Variants in CNPY1 observed in about 807,000 individuals in gnomAD.
CNPY1 encodes canopy FGF signaling regulator 1.
CNPY1 carries 14 observed loss-of-function variants against 14.4 expected under a neutral mutation model. That is an observed-to-expected ratio of 0.97 (90% CI 0.64 to 1.52). CNPY1 has a LOEUF of 1.52. Among genes scored for constraint, CNPY1 ranks in the 40% most tolerant of loss-of-function variants. CNPY1 has a pLI of 0.00. For synonymous variants in CNPY1, 43 were observed against 46.5 expected, an observed-to-expected ratio of 0.92 and a Z score of 0.31; for missense variants, 129 against 131.5, an observed-to-expected ratio of 0.98 and a Z score of 0.09.
At position 155,507,053 on chromosome 7, in the gene CNPY1, A is replaced by C. The variant is rs1259089851; in HGVS notation, c.367T>G (p.Tyr123Asp). Residue 123 changes from tyrosine (Y) to aspartate (D), a missense_variant, in exon 4 of 5, where the codon TAT (tyrosine) becomes GAT (aspartate). By Grantham distance (160) the Tyr-to-Asp change is radical (BLOSUM62 -3). Coordinates refer to ENST00000636446, the MANE Select transcript of CNPY1 (RefSeq NM_001393663.1). ...ISSLIAQETH[Y>D]LADKLCSEKS... ...TCACTGCACAGCTTGTCAGCTAGAT[A>C]GTGTGTCTCCTGGGCGATAAGTGAG... 3 of 1,612,452 alleles carry C rather than the reference A, an allele frequency of 1.9e-6. No homozygotes were observed. Among genetic ancestry groups the C allele is most frequent in the Middle Eastern group, 1.6e-4 (1 of 6,078 alleles).
intron 2 of CNPY1, among the ~76,000 whole-genome samples, chr7:155,542,727 T>A (rs1157829303): frequency 6.6e-6 from 1 of 152,128 alleles, no homozygotes; most frequent in Non-Finnish European, 1.5e-5. Flanking sequence ...CAGCCCCACA[T>A]CCACACCAGG....
At position 155,508,880 on chromosome 7, in the gene CNPY1, G is replaced by A; in HGVS notation, c.303+14C>T. On this transcript the variant is annotated intron_variant, in intron 3 of 4. Transcript: ENST00000636446. ...TCTGGATCATACGATTCATCTGCAA[G>A]GAAGAGAGCTTACCGCAAATTTCAA... 6.2e-7 allele frequency: 1 copy of A among 1,612,016 alleles called. No homozygotes were observed. The highest frequency in any genetic ancestry group is 1.1e-5 in the South Asian group (1 of 90,418).
At chr7:155,534,606 C>T (rs548417914) in intron 2 of CNPY1, among the ~76,000 whole-genome samples, 84 of 152,338 alleles carry the variant, frequency 5.5e-4, no homozygotes, top group Non-Finnish European at 8.2e-4. Context: ...CTCACAGCGT[C>T]GCGGGATGGC....
chr7:155,536,045 G>T lies in CNPY1; in HGVS notation c.99+9786C>A, dbSNP rs1309152416. Reference sequence around the variant, plus strand: ...TGGCAAGTATTTTATTTGGTGCAAGGTTTGGCTGTAGGTAGTAAACCCTCC... The same window carrying T: ...TGGCAAGTATTTTATTTGGTGCAAGTTTTGGCTGTAGGTAGTAAACCCTCC... On this transcript the variant is annotated intron_variant, in intron 2 of 4. Transcript: ENST00000636446. This position sits in a 1 kb window ranked among gnomAD's most constrained non-coding sequence, Gnocchi z 4.1. 6.6e-6 allele frequency among the ~76,000 whole-genome samples: 1 copy of T among 152,202 alleles called. No individual in the cohort carries two copies. Among genetic ancestry groups the T allele is most frequent in the African/African-American group, 2.4e-5 (1 of 41,448 alleles).
At chr7:155,503,297 C>T (rs567625776) in intron 4 of CNPY1, among the ~76,000 whole-genome samples, 192 bp from the exon 5 acceptor site, 1 of 152,098 alleles carries the variant, frequency 6.6e-6, no homozygotes, top group Non-Finnish European at 1.5e-5. Context: ...TTCCCCTGCA[C>T]CCCAAACCCA....
At chr7:155,527,138 AC>A (rs1394162760) in intron 2 of CNPY1, among the ~76,000 whole-genome samples, 2 of 142,888 alleles carry the variant, frequency 1.4e-5, no homozygotes, top group African/African-American at 5.3e-5. Context: ...TGCAACCTCT[AC>A]CTCACGGGTT....
intron 2 of CNPY1, among the ~76,000 whole-genome samples, chr7:155,512,847 ATAAT>A (rs1231568841): frequency 6.6e-6 from 1 of 152,242 alleles, no homozygotes; most frequent in East Asian, 1.9e-4. Context: ...TTAGTGACTG[ATAAT>A]TAATTTCACA....
chr7:155,526,552 T>C (rs1026479634), intron 2 of CNPY1, among the ~76,000 whole-genome samples: 1 of 151,960 alleles, frequency 6.6e-6, no homozygotes, highest in African/African-American at 2.4e-5. Context: ...AACCACCCAG[T>C]AGAATACTGG....
At chr7:155,535,618 C>A (rs1486976834) in intron 2 of CNPY1, among the ~76,000 whole-genome samples, 4 of 152,302 alleles carry the variant, frequency 2.6e-5, no homozygotes, top group African/African-American at 7.2e-5. Context: ...AACCCCTTCT[C>A]CCTTCCTTGC....
intron 2 of CNPY1, among the ~76,000 whole-genome samples, chr7:155,540,472 G>A (rs1797071223): frequency 6.6e-6 from 1 of 152,216 alleles, no homozygotes; most frequent in Non-Finnish European, 1.5e-5. Flanking sequence ...TAATTACAGT[G>A]GCCCAGTTTA....
intron 2 of CNPY1, among the ~76,000 whole-genome samples, chr7:155,541,193 C>CGGCG (rs1446377870): frequency 6.6e-6 from 1 of 152,214 alleles, no homozygotes; most frequent in African/African-American, 2.4e-5. Context: ...CCCCGCTGAG[C>CGGCG]CTCCCCGTTC....
At chr7:155,505,564 G>T (rs930493455) in intron 4 of CNPY1, among the ~76,000 whole-genome samples, 7 of 152,182 alleles carry the variant, frequency 4.6e-5, no homozygotes, top group African/African-American at 1.7e-4. Flanking sequence ...ATTATTCGGG[G>T]TGACTACTGC....
chr7:155,515,323 A>G (rs1796600883), intron 2 of CNPY1, among the ~76,000 whole-genome samples: 1 of 127,004 alleles, frequency 7.9e-6, no homozygotes, highest in Non-Finnish European at 1.6e-5. Context: ...CCGGCCAGGA[A>G]CTCTTTCACA....
At chr7:155,515,478 G>A (rs938073023) in intron 2 of CNPY1, among the ~76,000 whole-genome samples, 3 of 152,064 alleles carry the variant, frequency 2.0e-5, no homozygotes, top group East Asian at 1.9e-4. Flanking sequence ...AAATAGACAC[G>A]ATTCACCTCC....
chr7:155,533,542 C>T (rs1000899063), intron 2 of CNPY1, among the ~76,000 whole-genome samples: 17 of 152,218 alleles, frequency 1.1e-4, no homozygotes, highest in African/African-American at 3.9e-4. Context: ...CCACCCAGCG[C>T]GCGGGAAGCC....
intron 2 of CNPY1, among the ~76,000 whole-genome samples, chr7:155,521,874 A>G (rs529318574): frequency 6.6e-6 from 1 of 152,320 alleles, no homozygotes; most frequent in African/African-American, 2.4e-5. Context: ...GCCTCACTTC[A>G]GCGGCCTTGC....
intron 1 of CNPY1, among the ~76,000 whole-genome samples, 175 bp from the exon 2 acceptor site, chr7:155,546,118 G>A (rs1034035491): frequency 3.8e-4 from 58 of 152,228 alleles, no homozygotes; most frequent in African/African-American, 1.2e-3. Flanking sequence ...AGACAGAGAC[G>A]ACTTTTTTTA....
chr7:155,507,709 A>G (rs1374028788), intron 3 of CNPY1, among the ~76,000 whole-genome samples: 2 of 152,042 alleles, frequency 1.3e-5, no homozygotes, highest in Non-Finnish European at 2.9e-5. Flanking sequence ...ATTTCACTTC[A>G]CTTAAAAAAA....
chr7:155,543,189 G>A (rs1797107960), intron 2 of CNPY1, among the ~76,000 whole-genome samples: 1 of 152,200 alleles, frequency 6.6e-6, no homozygotes, highest in African/African-American at 2.4e-5. Flanking sequence ...CTGCCGCTCT[G>A]TGGCCAGCCG....
Sources: gnomAD v4.1 joint callset for allele counts (sites outside exome capture counted in the v4.1 genomes callset) on GRCh38, gnomAD v4.1.1 for gene constraint, Gnocchi (gnomAD v3.1) non-coding constraint, MANE v1.5 for transcripts, NCBI Gene and HGNC (gene_info 2026-07-23, HGNC 2026-07-21) for gene names.